Variants in PCDH11X observed in about 807,000 individuals in gnomAD.
PCDH11X encodes the protein protocadherin 11 X-linked.
Under a neutral mutation model 53.3 loss-of-function variants are expected in PCDH11X, and 18 were observed. The observed-to-expected ratio is 0.34, with a 90% CI of 0.23 to 0.50. The LOEUF is 0.50. PCDH11X is among the 20% of genes least tolerant of loss of function. The pLI is 0.98. For synonymous variants in PCDH11X, 279 were observed against 393.3 expected (o/e 0.71, Z 3.44); for missense variants, 570 against 1,032.4 (o/e 0.55, Z 6.14).
chrX:92,245,066 G>GA (rs1306479699), intron 7 of PCDH11X, among the ~76,000 whole-genome samples: 2 of 112,017 alleles, frequency 1.8e-5, no homozygotes, highest in African/African-American at 3.2e-5. Context: ...GATAAACTGG[G>GA]AAAAAAGGAG....
chrX:92,566,597 G>GATGAATGGAT (rs749200411), intron 10 of PCDH11X, among the ~76,000 whole-genome samples: 11,660 of 107,759 alleles, frequency 0.11, 888 homozygotes, highest in African/African-American at 0.26. Context: ...ATTACCCAGA[G>GATGAATGGAT]GAATATGATG....
chrX:92,332,804 A>G (rs1435499872), intron 8 of PCDH11X, among the ~76,000 whole-genome samples: 1 of 111,734 alleles, frequency 8.9e-6, no homozygotes, highest in Non-Finnish European at 1.9e-5. Flanking sequence ...CTCAGGCCCT[A>G]CCCAGACCTA....
rs933852815 is a variant in PCDH11X, at chrX:91,983,179, T to C, written c.3033+103906T>C. The C allele has an allele frequency of 3.4e-6, 3 of 882,770 alleles. No individual in the cohort carries two copies. In the African/African-American group the frequency reaches 6.0e-5, roughly 18 times the overall value. 72.8% of individuals were successfully genotyped at this position (882,770 alleles called of 1,213,427 possible). On this transcript the variant is annotated intron_variant, in intron 6 of 10. Coordinates refer to ENST00000682573, the MANE Select transcript of PCDH11X (RefSeq NM_032968.5). ...CCTGTCTTGATTTTAGCATCTTTTT[T>C]CCCCCAGTCTTAGGTAAGAAGGATG... is the stretch of plus-strand genomic sequence containing the variant.
At chrX:92,309,143 A>G (rs1336306182) in intron 8 of PCDH11X, among the ~76,000 whole-genome samples, 1 of 112,077 alleles carries the variant, frequency 8.9e-6, no homozygotes, top group Non-Finnish European at 1.9e-5. Flanking sequence ...TCTGGGTATA[A>G]ATGCTACAGA....
chrX:92,187,599 T>A (rs1051032388), intron 6 of PCDH11X, among the ~76,000 whole-genome samples: 1 of 111,551 alleles, frequency 9.0e-6, no homozygotes, highest in Admixed American at 9.6e-5. Context: ...AATATATAGA[T>A]CTTAATATAA....
chrX:92,004,042 T>A (rs2062555376), intron 6 of PCDH11X, among the ~76,000 whole-genome samples: 1 of 108,593 alleles, frequency 9.2e-6, no homozygotes, highest in African/African-American at 3.3e-5. Flanking sequence ...TTCCCCTTGA[T>A]ACTGCTTTTG....
At chrX:92,069,279 A>T (rs750521622) in intron 6 of PCDH11X, among the ~76,000 whole-genome samples, 1 of 108,056 alleles carries the variant, frequency 9.3e-6, no homozygotes, top group African/African-American at 3.4e-5. Flanking sequence ...GTCTAATGTC[A>T]CTATACATAC....
chrX:92,403,328 CGTTTTTTTTTGTTT>C (rs2071428006), intron 9 of PCDH11X, among the ~76,000 whole-genome samples: 1 of 54,927 alleles, frequency 1.8e-5, no homozygotes, highest in African/African-American at 1.1e-4. Flanking sequence ...CGGGCATTTA[CGTTTTTTTTTGTTT>C]TTTTTTTTTT....
intron 6 of PCDH11X, among the ~76,000 whole-genome samples, chrX:91,893,297 G>A (rs762070289): frequency 2.6e-4 from 28 of 108,644 alleles, no homozygotes; most frequent in African/African-American, 8.7e-4. Flanking sequence ...AAAATTTAAT[G>A]CATTTATTGA....
chrX:92,603,458 C>A (rs1926451423), intron 10 of PCDH11X, among the ~76,000 whole-genome samples: 1 of 104,008 alleles, frequency 9.6e-6, no homozygotes, highest in Non-Finnish European at 2.0e-5. Context: ...TGATAAAAGT[C>A]ATATATACAC....
At chrX:92,589,026 A>G (rs1230801467) in intron 10 of PCDH11X, among the ~76,000 whole-genome samples, 4 of 111,512 alleles carry the variant, frequency 3.6e-5, no homozygotes, top group African/African-American at 1.3e-4. Flanking sequence ...TTGAAGTGCT[A>G]ACAGGAAACA....
chrX:92,137,563 C>G (rs943503984), intron 6 of PCDH11X, among the ~76,000 whole-genome samples: 7 of 111,259 alleles, frequency 6.3e-5, no homozygotes, highest in African/African-American at 2.3e-4. Context: ...ACAATTGACC[C>G]ATTTAAAGTG....
intron 9 of PCDH11X, among the ~76,000 whole-genome samples, chrX:92,402,985 G>A (rs1045013534): frequency 1.8e-5 from 2 of 109,663 alleles, no homozygotes; most frequent in African/African-American, 6.7e-5. Flanking sequence ...AAGTGTGTGC[G>A]TGTGTGTATA....
intron 8 of PCDH11X, among the ~76,000 whole-genome samples, chrX:92,265,887 A>C (rs2148419456): frequency 8.9e-6 from 1 of 112,377 alleles, no homozygotes; most frequent in African/African-American, 3.2e-5. Flanking sequence ...CATTTAATAT[A>C]TTTAACGTTA....
chrX:92,073,696 ATGGGT>A (rs975823357), intron 6 of PCDH11X, among the ~76,000 whole-genome samples: 2 of 112,244 alleles, frequency 1.8e-5, no homozygotes, highest in African/African-American at 6.5e-5. Flanking sequence ...TCATTGTTGA[ATGGGT>A]CAGTTCTTTA....
chrX:92,229,157 G>A lies in PCDH11X; in HGVS notation c.3114+27702G>A, dbSNP rs182710944. Among the ~76,000 whole-genome samples, 6 of 111,873 alleles carry A rather than the reference G, an allele frequency of 5.4e-5. No homozygotes were observed. The East Asian group carries it at 1.7e-3, about 32-fold the overall frequency. On this transcript the variant is annotated intron_variant, in intron 7 of 10. Coordinates refer to ENST00000682573, the MANE Select transcript of PCDH11X (RefSeq NM_032968.5). ...AAACACTTTGGAAAAGGTGAGATTTGAACTGGACATTTAGAAATTGGTCTG... is the reference window on the plus strand; with the variant it reads ...AAACACTTTGGAAAAGGTGAGATTTAAACTGGACATTTAGAAATTGGTCTG...
At position 91,917,844 on chromosome X, in the gene PCDH11X, T is replaced by TA. The variant is rs757033998; in HGVS notation, c.3033+38579dup. 9.2e-5 allele frequency among the ~76,000 whole-genome samples: 10 copies of TA among 108,578 alleles called. No homozygotes were observed. The East Asian group carries it at 2.3e-3, about 25-fold the overall frequency. 94.3% of individuals were successfully genotyped at this position (108,578 alleles called of 115,157 possible). A position where few individuals can be genotyped will look rare whatever the true frequency, so the allele number is the denominator to read the frequency against. ...AACTATCCTAAAATTCATATGGAATTAAAAAAAACACCCTGCATAGCCAAA... is the reference window on the plus strand; with the variant it reads ...AACTATCCTAAAATTCATATGGAATTAAAAAAAAACACCCTGCATAGCCAAA... On this transcript the variant is annotated intron_variant, in intron 6 of 10. Transcript: ENST00000682573.
At chrX:92,313,844 A>G (rs1299495107) in intron 8 of PCDH11X, among the ~76,000 whole-genome samples, 1 of 111,682 alleles carries the variant, frequency 9.0e-6, no homozygotes. Context: ...TACAGTAAAA[A>G]TACGGTATAA....
intron 6 of PCDH11X, among the ~76,000 whole-genome samples, chrX:92,056,126 A>T (rs1467416357): frequency 9.0e-6 from 1 of 111,271 alleles, no homozygotes; most frequent in Non-Finnish European, 1.9e-5. Flanking sequence ...GTCTGCTGCA[A>T]TGGTTGAATT....
Sources: allele counts gnomAD v4.1 joint callset (sites outside exome capture counted in the v4.1 genomes callset), GRCh38; gene constraint gnomAD v4.1.1; transcripts MANE v1.5; gene names NCBI Gene and HGNC (gene_info 2026-07-23, HGNC 2026-07-21).